PPFIA2: variants seen among roughly 807,000 people sequenced by gnomAD.
PPFIA2 encodes PPFI scaffold protein A2.
Under a neutral mutation model 175.5 loss-of-function variants are expected in PPFIA2, and 46 were observed. The observed-to-expected ratio is 0.26, with a 90% CI of 0.21 to 0.34. PPFIA2 has a LOEUF of 0.34. Ranked by LOEUF, PPFIA2 falls within the 10% of genes least tolerant of loss-of-function variation. The pLI, the probability that PPFIA2 is intolerant of heterozygous loss-of-function variation, is 1.00. For missense variants in PPFIA2, 1,179 were observed against 1,506.1 expected, an observed-to-expected ratio of 0.78 and a Z score of 3.60; for synonymous variants, 568 against 511.4, an observed-to-expected ratio of 1.11 and a Z score of -1.49.
intron 4 of PPFIA2, among the ~76,000 whole-genome samples, chr12:81,649,077 T>C (rs554851798): frequency 2.0e-5 from 3 of 152,126 alleles, no homozygotes; most frequent in Admixed American, 2.0e-4. Context: ...AATTTCTATA[T>C]AGGCCTCAAA....
intron 4 of PPFIA2, among the ~76,000 whole-genome samples, chr12:81,554,850 A>G (rs17008703): frequency 0.016 from 2,368 of 152,134 alleles, 92 homozygotes; most frequent in East Asian, 0.11. Context: ...CTGTTCAGAA[A>G]TGTATACCAA....
rs1012094502 is a variant in PPFIA2 at position 81,678,478 on chromosome 12, C to G, written c.250-1634G>C. 2.6e-5 allele frequency among the ~76,000 whole-genome samples: 4 copies of G among 151,782 alleles called. No homozygotes were observed. The South Asian group carries it at 8.3e-4, about 31-fold the overall frequency. ...CTGAAATGCTAACTGTGAAAAGGAA[C>G]ATAATGGGTAATGAATTTATTCATG... On this transcript the variant is annotated intron_variant, in intron 3 of 32. Coordinates refer to ENST00000549396, the MANE Select transcript of PPFIA2 (RefSeq NM_003625.5).
chr12:81,399,494 C>T (rs1404274629), intron 8 of PPFIA2, among the ~76,000 whole-genome samples: 1 of 152,044 alleles, frequency 6.6e-6, no homozygotes, highest in Non-Finnish European at 1.5e-5. Flanking sequence ...CATTAGAAGA[C>T]TTTTATTTTT....
chr12:81,647,106 C>T (rs893462434), intron 4 of PPFIA2, among the ~76,000 whole-genome samples: 1 of 150,972 alleles, frequency 6.6e-6, no homozygotes, highest in Non-Finnish European at 1.5e-5. Context: ...AATTTCAACA[C>T]AAATTTGGAA....
intron 24 of PPFIA2, among the ~76,000 whole-genome samples, chr12:81,287,627 C>T (rs979775053): frequency 1.3e-5 from 2 of 151,824 alleles, no homozygotes; most frequent in African/African-American, 4.8e-5. Context: ...GAAGTTTTAA[C>T]AAGTTTATTT....
intron 3 of PPFIA2, among the ~76,000 whole-genome samples, chr12:81,744,025 A>G (rs1320190864): frequency 2.6e-5 from 4 of 152,236 alleles, no homozygotes; most frequent in Non-Finnish European, 5.9e-5. Flanking sequence ...ACAACAGATT[A>G]GAGAGACTAT....
rs893285558 is a variant in PPFIA2 at position 81,364,593 on chromosome 12, CTA to C, written c.1546-1811_1546-1810del. ...TTATTTTTGTAAAGATGGGGTCTTG[CTA>C]TGTTTCCTGGATTTTCTAGCAGAGA... On this transcript the variant is annotated intron_variant, in intron 14 of 32. Transcript: ENST00000549396. Among the ~76,000 whole-genome samples, 83 of 151,712 alleles carry C rather than the reference CTA, an allele frequency of 5.5e-4. 1 individual carries two copies. The highest frequency in any genetic ancestry group is 1.9e-3 in the African/African-American group (78 of 41,444).
At chr12:81,545,427 A>G (rs1480008199) in intron 4 of PPFIA2, 1 of 152,378 alleles carries the variant, frequency 6.6e-6, no homozygotes, top group Non-Finnish European at 1.5e-5. Context: ...CATGTGCTAG[A>G]GTACAATGGA....
At position 81,281,378 on chromosome 12, in the gene PPFIA2, T is replaced by C. The variant is rs766326673; in HGVS notation, c.3091A>G (p.Ser1031Gly). 6.8e-6 allele frequency: 11 copies of C among 1,611,342 alleles called. No individual in the cohort carries two copies. Among genetic ancestry groups the C allele is most frequent in the Non-Finnish European group, 8.5e-6 (10 of 1,177,922 alleles). ...CTTCTGTACTGAGGTAACCCCAAGC[T>C]GGGAAGCCATTCATTTCCAATCCAC... is the stretch of plus-strand genomic sequence containing the variant. ...HEWIGNEWLP[S>G]LGLPQYRSYF... Residue 1031 changes from serine (S) to glycine (G), a missense_variant, in exon 27 of 33, where the codon AGC becomes GGC. Physicochemically the swap from Ser to Gly is moderately conservative, Grantham distance 56. Around this residue, in one of 10 missense-constraint regions of PPFIA2, gnomAD observed 245 missense variants for 375.1 expected, o/e 0.65. Coordinates refer to ENST00000549396, the MANE Select transcript of PPFIA2 (RefSeq NM_003625.5).
At chr12:81,601,549 T>G (rs1021726385) in intron 4 of PPFIA2, among the ~76,000 whole-genome samples, 2 of 151,934 alleles carry the variant, frequency 1.3e-5, no homozygotes, top group Non-Finnish European at 2.9e-5. Context: ...TCATGTTAAC[T>G]GCCTAAAGGA....
chr12:81,533,439 G>C (rs1055081953), intron 4 of PPFIA2, among the ~76,000 whole-genome samples: 1 of 151,544 alleles, frequency 6.6e-6, no homozygotes, highest in African/African-American at 2.4e-5. Context: ...CAACCTAGAA[G>C]ATCTCAAATT....
chr12:81,623,808 A>C (rs895512856), intron 4 of PPFIA2, among the ~76,000 whole-genome samples: 1 of 151,950 alleles, frequency 6.6e-6, no homozygotes, highest in Non-Finnish European at 1.5e-5. Flanking sequence ...CTGGGGTCAA[A>C]AAGGGCAAAT....
At chr12:81,336,555 C>T (rs952910882) in intron 21 of PPFIA2, among the ~76,000 whole-genome samples, 1 of 152,190 alleles carries the variant, frequency 6.6e-6, no homozygotes, top group African/African-American at 2.4e-5. Flanking sequence ...ATCTCCTTTG[C>T]TGTTCATCAT....
At chr12:81,549,632 T>C (rs558403339) in intron 4 of PPFIA2, among the ~76,000 whole-genome samples, 27 of 152,152 alleles carry the variant, frequency 1.8e-4, no homozygotes, top group African/African-American at 6.0e-4. Flanking sequence ...CCCATTCCAT[T>C]AGACACTCTC....
chr12:81,518,915 T>G (rs2062784145), intron 4 of PPFIA2, among the ~76,000 whole-genome samples: 1 of 152,160 alleles, frequency 6.6e-6, no homozygotes, highest in Admixed American at 6.6e-5. Context: ...TCAAATATTT[T>G]ACTGAATAAA....
chr12:81,459,165 T>TAGA (rs2054094460), intron 4 of PPFIA2, among the ~76,000 whole-genome samples: 1 of 152,132 alleles, frequency 6.6e-6, no homozygotes, highest in South Asian at 2.1e-4. Context: ...TGTTGTTGCT[T>TAGA]TTTGGCTGAC....
At chr12:81,408,513 G>A (rs1412911850) in intron 7 of PPFIA2, among the ~76,000 whole-genome samples, 1 of 152,084 alleles carries the variant, frequency 6.6e-6, no homozygotes, top group African/African-American at 2.4e-5. Context: ...ATAAACAGAT[G>A]ACTTTCAAAT....
chr12:81,273,541 A>C (rs1419485569), intron 28 of PPFIA2, among the ~76,000 whole-genome samples: 1 of 152,166 alleles, frequency 6.6e-6, no homozygotes, highest in Non-Finnish European at 1.5e-5. Context: ...GGTCTGACTT[A>C]ATATGCTCCA....
In PPFIA2 at chr12:81,262,188, TCTC is replaced by T. The variant is rs570392260; in HGVS notation, c.3716-151_3716-149del. The T allele has an allele frequency of 1.8e-3, 1,119 of 611,020 alleles. 10 individuals are homozygous for T. The highest frequency in any genetic ancestry group is 0.01 in the Middle Eastern group (36 of 3,592). The allele number at this position is 611,020 out of a possible 1,614,324, so 37.8% of individuals were successfully genotyped here. A position where few individuals can be genotyped will look rare whatever the true frequency, so the allele number is the denominator to read the frequency against. On this transcript the variant is annotated intron_variant, in intron 31 of 32. Coordinates refer to ENST00000549396, the MANE Select transcript of PPFIA2 (RefSeq NM_003625.5). ...AGATATAAGCCACTCACATTCCTCT[TCTC>T]TAGATCAAGTTCCTAATGAAAATTT...
Sources: gnomAD v4.1 joint callset for allele counts (sites outside exome capture counted in the v4.1 genomes callset) on GRCh38, gnomAD v4.1.1 for gene constraint, gnomAD v4.1.1 regional missense constraint, MANE v1.5 for transcripts, NCBI Gene and HGNC (gene_info 2026-07-23, HGNC 2026-07-21) for gene names.